Variants in RERE observed in about 807,000 individuals in gnomAD.
RERE encodes arginine-glutamic acid dipeptide repeats, also known as arginine-glutamic acid dipeptide repeats protein.
RERE carries 40 observed loss-of-function variants against 146.1 expected under a neutral mutation model. The observed-to-expected ratio is 0.27, with a 90% CI of 0.21 to 0.36. The LOEUF (loss-of-function observed/expected upper bound fraction) is 0.36, where lower values mean the gene tolerates loss of function less well. RERE is among the 10% of genes least tolerant of loss of function. RERE has a pLI of 1.00. For synonymous variants in RERE, 1,003 were observed against 866.0 expected (o/e 1.16, Z -2.78); for missense variants, 1,933 against 2,138.7 (o/e 0.90, Z 1.90).
At chr1:8,685,048 A>G (rs1401299486) in intron 1 of RERE, among the ~76,000 whole-genome samples, 4 of 151,974 alleles carry the variant, frequency 2.6e-5, no homozygotes, top group Non-Finnish European at 5.9e-5. Context: ...TGTAGAGACA[A>G]GGTCTCACTA....
chr1:8,562,820 A>G (rs1646094987), intron 4 of RERE, among the ~76,000 whole-genome samples: 1 of 152,130 alleles, frequency 6.6e-6, no homozygotes, highest in African/African-American at 2.4e-5. Context: ...AATGAAGAAC[A>G]TATGTCGATT....
intron 12 of RERE, among the ~76,000 whole-genome samples, chr1:8,389,451 T>G (rs1026317620): frequency 2.6e-5 from 4 of 152,226 alleles, no homozygotes; most frequent in African/African-American, 9.6e-5. Context: ...CTTCTAGATT[T>G]CTGCTGCTGT....
chr1:8,725,252 A>C (rs1418882453), intron 1 of RERE, among the ~76,000 whole-genome samples: 1 of 152,202 alleles, frequency 6.6e-6, no homozygotes, highest in Non-Finnish European at 1.5e-5. Context: ...CCAAAGGAAA[A>C]ATAGTTGTAA....
chr1:8,722,883 C>A, intron 1 of RERE, among the ~76,000 whole-genome samples: 1 of 152,268 alleles, frequency 6.6e-6, no homozygotes, highest in African/African-American at 2.4e-5. Context: ...CAATCCCCCA[C>A]GAATACTGAG....
chr1:8,546,695 A>C (rs1461891769), intron 6 of RERE, among the ~76,000 whole-genome samples: 2 of 152,020 alleles, frequency 1.3e-5, no homozygotes, highest in Non-Finnish European at 2.9e-5. Context: ...TAAAAATACA[A>C]AGATTAGCTG....
At position 8,614,704 on chromosome 1, in the gene RERE, T is replaced by A. The variant is rs1454979928; in HGVS notation, c.397-18A>T. 6.2e-7 allele frequency: 1 copy of A among 1,600,562 alleles called. No homozygotes were observed. Among genetic ancestry groups the A allele is most frequent in the Non-Finnish European group, 8.5e-7 (1 of 1,173,566 alleles). On this transcript the variant is annotated intron_variant, in intron 3 of 22. Coordinates refer to ENST00000400908, the MANE Select transcript of RERE (RefSeq NM_001042681.2). ...TTGTGGACCTAAAAAAGAAAACAGT[T>A]TTAAGTTAACGTGCCCAACGCCCCA...
intron 2 of RERE, among the ~76,000 whole-genome samples, chr1:8,637,278 T>C (rs778842590): frequency 6.6e-6 from 1 of 152,172 alleles, no homozygotes; most frequent in Non-Finnish European, 1.5e-5. Flanking sequence ...ACTATAAGGT[T>C]GCACAAGTAG....
chr1:8,566,145 G>A (rs1388495521), intron 4 of RERE, among the ~76,000 whole-genome samples: 1 of 152,140 alleles, frequency 6.6e-6, no homozygotes, highest in East Asian at 1.9e-4. Flanking sequence ...GTATTTTAGT[G>A]TAGCGCTGGA....
At chr1:8,501,218 C>T (rs1273728105) in intron 8 of RERE, among the ~76,000 whole-genome samples, 1 of 147,108 alleles carries the variant, frequency 6.8e-6, no homozygotes, top group African/African-American at 2.5e-5. Context: ...GGGGGGTCAG[C>T]CCCCCGCCCG....
chr1:8,662,810 T>C (rs1257681154), intron 1 of RERE, among the ~76,000 whole-genome samples: 1 of 152,230 alleles, frequency 6.6e-6, no homozygotes, highest in Non-Finnish European at 1.5e-5. Flanking sequence ...TTCTTAGCAC[T>C]GCCGCTTGCT....
intron 15 of RERE, among the ~76,000 whole-genome samples, chr1:8,363,447 C>T (rs1223992587): frequency 2.0e-5 from 3 of 152,128 alleles, no homozygotes; most frequent in East Asian, 3.9e-4. Context: ...TGCCAGCAGC[C>T]TCAACGGCAT....
intron 1 of RERE, among the ~76,000 whole-genome samples, chr1:8,809,157 A>AAAAAAAAAAAAAAAAAATAAATAAAT (rs985140466): frequency 6.8e-6 from 1 of 146,122 alleles, no homozygotes; most frequent in African/African-American, 2.8e-5. Context: ...AAAAAAAAAA[A>AAAAAAAAAAAAAAAAAATAAATAAAT]AAAGTACTGA....
chr1:8,743,757 T>C (rs1640363374), intron 1 of RERE, among the ~76,000 whole-genome samples: 2 of 152,056 alleles, frequency 1.3e-5, no homozygotes, highest in Admixed American at 6.5e-5. Flanking sequence ...CCCTCACTTA[T>C]TTGCTAAAAT....
chr1:8,422,494 T>C (rs576294111), intron 12 of RERE, among the ~76,000 whole-genome samples: 1 of 152,316 alleles, frequency 6.6e-6, no homozygotes, highest in Admixed American at 6.5e-5. Flanking sequence ...TTCTCAGAGT[T>C]ACAACAGAAG....
chr1:8,552,995 C>T (rs535045137), intron 6 of RERE, among the ~76,000 whole-genome samples: 4 of 151,168 alleles, frequency 2.6e-5, no homozygotes, highest in Non-Finnish European at 3.0e-5. Context: ...TAGGCCAGCT[C>T]GTCCACACAC....
intron 2 of RERE, among the ~76,000 whole-genome samples, chr1:8,641,711 A>G (rs146209576): frequency 1.3e-3 from 202 of 152,322 alleles, no homozygotes; most frequent in African/African-American, 4.8e-3. Context: ...CAACCAACCA[A>G]TAAGACTCAC....
At chr1:8,686,761 T>C (rs1200280146) in intron 1 of RERE, among the ~76,000 whole-genome samples, 1 of 151,158 alleles carries the variant, frequency 6.6e-6, no homozygotes, top group Non-Finnish European at 1.5e-5. Flanking sequence ...AAAAAAAAAA[T>C]AAAGGTGTAG....
intron 1 of RERE, among the ~76,000 whole-genome samples, chr1:8,802,074 A>G (rs1356832536): frequency 6.6e-6 from 1 of 152,238 alleles, no homozygotes; most frequent in East Asian, 1.9e-4. Context: ...GATTACAATG[A>G]GTATATATTA....
chr1:8,499,873 A>G (rs1645105574), intron 8 of RERE, among the ~76,000 whole-genome samples: 1 of 152,114 alleles, frequency 6.6e-6, no homozygotes, highest in Non-Finnish European at 1.5e-5. Flanking sequence ...TAATCCCAGC[A>G]CTTTCAGAGG....
Sources: gnomAD v4.1 joint callset for allele counts (sites outside exome capture counted in the v4.1 genomes callset) on GRCh38, gnomAD v4.1.1 for gene constraint, MANE v1.5 for transcripts, NCBI Gene and HGNC (gene_info 2026-07-23, HGNC 2026-07-21) for gene names.